Variants in RASA3 observed in about 807,000 individuals in gnomAD.
RASA3 encodes the protein RAS p21 protein activator 3.
A neutral mutation model predicts 110.0 loss-of-function variants in RASA3; 73 were observed. The ratio of observed to expected loss-of-function variants is 0.66; its 90% confidence interval spans 0.55 to 0.81. The LOEUF (loss-of-function observed/expected upper bound fraction) is 0.81, where lower values mean the gene tolerates loss of function less well. Ranked by LOEUF, RASA3 falls within the 30% of genes least tolerant of loss-of-function variation. RASA3 has a pLI of 0.00. For missense variants in RASA3, 976 were observed against 1,113.2 expected, an observed-to-expected ratio of 0.88 and a Z score of 1.75; for synonymous variants, 500 against 451.4, an observed-to-expected ratio of 1.11 and a Z score of -1.37.
At position 114,066,973 on chromosome 13, in the gene RASA3, C is replaced by A. The variant is rs572244541; in HGVS notation, c.173+6747G>T. Among the ~76,000 whole-genome samples, 17 of 146,136 alleles carry A rather than the reference C, an allele frequency of 1.2e-4. No individual in the cohort carries two copies. The South Asian group carries it at 1.7e-3, about 15-fold the overall frequency. ...CCTCCCCACCTGGGCTGAGGACAGG[C>A]CCCCCTACCTGGGCTGAGGACGGGC... On this transcript the variant is annotated intron_variant, in intron 2 of 23. Transcript: ENST00000334062.
chr13:114,020,345 G>C (rs2053899876), intron 9 of RASA3, among the ~76,000 whole-genome samples: 1 of 152,244 alleles, frequency 6.6e-6, no homozygotes, highest in African/African-American at 2.4e-5. Flanking sequence ...CTGTGTGCGA[G>C]GCATTAGCAC....
chr13:114,015,151 C>A, intron 14 of RASA3, 58 bp downstream of exon 14: 1 of 1,598,682 alleles, frequency 6.3e-7, no homozygotes, highest in South Asian at 1.1e-5. Flanking sequence ...GGGTGGGAGT[C>A]ACCCTGCACA....
At chr13:114,037,548 G>T (rs1031115111) in intron 4 of RASA3, among the ~76,000 whole-genome samples, 2 of 152,144 alleles carry the variant, frequency 1.3e-5, no homozygotes, top group Non-Finnish European at 2.9e-5. Flanking sequence ...AGGGGACGGA[G>T]GTTCCGTTTT....
At chr13:114,039,246 C>T (rs1371688839) in intron 4 of RASA3, among the ~76,000 whole-genome samples, 2 of 151,564 alleles carry the variant, frequency 1.3e-5, no homozygotes, top group African/African-American at 4.9e-5. Context: ...TCCTACGTCC[C>T]AGGGCCGCTG....
intron 2 of RASA3, among the ~76,000 whole-genome samples, chr13:114,067,999 A>G (rs1450539101): frequency 6.6e-6 from 1 of 152,254 alleles, no homozygotes; most frequent in African/African-American, 2.4e-5. Flanking sequence ...GGGGGTGCTC[A>G]TGATTTTTTA....
intron 1 of RASA3, among the ~76,000 whole-genome samples, chr13:114,092,938 T>C (rs150639522): frequency 6.9e-4 from 105 of 152,312 alleles, no homozygotes; most frequent in African/African-American, 2.2e-3. Context: ...AAACATTCAG[T>C]AGTTATAACA....
chr13:114,018,036 C>T lies in RASA3; in HGVS notation c.1091+68G>A, dbSNP rs562835140. ...GCCCTGCCCCAGGACACGTGGTTCT[C>T]GGCGACGACCTTGCCATCCCTGTAG... On this transcript the variant is annotated intron_variant, in intron 11 of 23. Coordinates refer to ENST00000334062, the MANE Select transcript of RASA3 (RefSeq NM_007368.4). 1.7e-4 allele frequency: 241 copies of T among 1,416,606 alleles called. 3 individuals are homozygous for T. The South Asian group carries it at 3.1e-3, about 18-fold the overall frequency. 87.8% of individuals were successfully genotyped at this position (1,416,606 alleles called of 1,614,324 possible).
At chr13:114,000,544 G>A (rs1215178937) in intron 19 of RASA3, among the ~76,000 whole-genome samples, 1 of 152,212 alleles carries the variant, frequency 6.6e-6, no homozygotes, top group Non-Finnish European at 1.5e-5. Context: ...GAGGAGGAAG[G>A]GACGTGGACA....
chr13:114,020,631 G>A (rs1326936483), intron 9 of RASA3, among the ~76,000 whole-genome samples: 1 of 152,188 alleles, frequency 6.6e-6, no homozygotes, highest in African/African-American at 2.4e-5. Flanking sequence ...TGTCGCTAAG[G>A]GACACACATG....
chr13:114,043,584 G>A (rs1267982400), intron 3 of RASA3, among the ~76,000 whole-genome samples: 1 of 152,072 alleles, frequency 6.6e-6, no homozygotes. Flanking sequence ...TTGCCACACA[G>A]ACATACACAG....
intron 1 of RASA3, among the ~76,000 whole-genome samples, chr13:114,111,120 C>A (rs1364327385): frequency 1.4e-5 from 1 of 69,252 alleles, no homozygotes; most frequent in Non-Finnish European, 3.0e-5. Flanking sequence ...GAGCTGCAGG[C>A]CGAGTTCTAA....
chr13:114,039,693 CCT>C (rs10584276), intron 4 of RASA3, among the ~76,000 whole-genome samples: 51,460 of 152,104 alleles, frequency 0.34, 10,616 homozygotes, highest in African/African-American at 0.58. Flanking sequence ...CCCACTGCTC[CCT>C]CTGTTACAGG....
chr13:114,041,992 G>A (rs1008309712), intron 3 of RASA3, among the ~76,000 whole-genome samples: 1 of 152,208 alleles, frequency 6.6e-6, no homozygotes, highest in South Asian at 2.1e-4. Flanking sequence ...ACAGTTTCCC[G>A]TGCCTTAAAC....
intron 14 of RASA3, 60 bp from the exon 15 acceptor site, chr13:114,013,308 C>G (rs1396976082): frequency 7.6e-7 from 1 of 1,318,986 alleles, no homozygotes; most frequent in African/African-American, 1.4e-5. Flanking sequence ...CGTGGGGACA[C>G]CATGCCCCGG....
chr13:114,130,500 C>T (rs1594489323), intron 1 of RASA3, among the ~76,000 whole-genome samples: 1 of 152,222 alleles, frequency 6.6e-6, no homozygotes, highest in Admixed American at 6.5e-5. Flanking sequence ...ATCTCCAAAC[C>T]TCCTTCTCTC....
chr13:114,060,498 C>T (rs888808272), intron 2 of RASA3, among the ~76,000 whole-genome samples: 2 of 152,210 alleles, frequency 1.3e-5, no homozygotes, highest in African/African-American at 2.4e-5. Flanking sequence ...CGAGAGGCCA[C>T]GGTGCCGAGC....
chr13:114,036,536 T>C (rs1237235844), intron 4 of RASA3, among the ~76,000 whole-genome samples: 1 of 151,088 alleles, frequency 6.6e-6, no homozygotes, highest in African/African-American at 2.5e-5. Context: ...GTTTTTTTTC[T>C]TCTTCTTCTT....
rs570205587 is a variant in RASA3, at chr13:114,058,678, C to T, written c.174-6523G>A. Among the ~76,000 whole-genome samples, 108 of 152,338 alleles carry T rather than the reference C, an allele frequency of 7.1e-4. 2 individuals carry two copies. The South Asian group carries it at 0.022, about 31-fold the overall frequency. ...AATGCCCTTCCCAGGCCCTGCTCCTCGGAGGACTGGTCATGGGCACCCTGG... is the reference window on the plus strand; with the variant it reads ...AATGCCCTTCCCAGGCCCTGCTCCTTGGAGGACTGGTCATGGGCACCCTGG... On this transcript the variant is annotated intron_variant, in intron 2 of 23. Coordinates refer to ENST00000334062, the MANE Select transcript of RASA3 (RefSeq NM_007368.4).
At chr13:114,013,341 G>T in intron 14 of RASA3, 93 bp from the exon 15 acceptor site, 3 of 831,628 alleles carry the variant, frequency 3.6e-6, no homozygotes, top group Non-Finnish European at 1.9e-6. Context: ...CCGCAGGGAA[G>T]TCCAGCCACA....
Sources: gnomAD v4.1 joint callset for allele counts (sites outside exome capture counted in the v4.1 genomes callset) on GRCh38, gnomAD v4.1.1 for gene constraint, MANE v1.5 for transcripts, NCBI Gene and HGNC (gene_info 2026-07-23, HGNC 2026-07-21) for gene names.